AGMO: variants seen among roughly 807,000 people sequenced by gnomAD.
AGMO encodes glyceryl-ether monooxygenase.
AGMO carries 75 observed loss-of-function variants against 60.2 expected under a neutral mutation model. The observed-to-expected ratio is 1.25, with a 90% CI of 1.03 to 1.51. The LOEUF (loss-of-function observed/expected upper bound fraction) is 1.51. Ranked by LOEUF, AGMO falls within the 40% of genes most tolerant of loss-of-function variation. The pLI, the probability that AGMO is intolerant of heterozygous loss-of-function variation, is 0.00. For missense variants in AGMO, 763 were observed against 525.5 expected (o/e 1.45, Z -4.42); for synonymous variants, 261 against 177.1 (o/e 1.47, Z -3.76).
chr7:15,465,317 C>A (rs1046030509), intron 3 of AGMO, among the ~76,000 whole-genome samples: 1 of 150,738 alleles, frequency 6.6e-6, no homozygotes, highest in African/African-American at 2.4e-5. Context: ...AGAAGTCTTC[C>A]GAAATTAGAG....
At chr7:15,288,001 T>A (rs1784148415) in intron 12 of AGMO, among the ~76,000 whole-genome samples, 1 of 152,090 alleles carries the variant, frequency 6.6e-6, no homozygotes. Context: ...AAAATGATAA[T>A]GATTTTGAAA....
At position 15,337,043 on chromosome 7, in the gene AGMO, T is replaced by C. The variant is rs542667086; in HGVS notation, c.1263+28471A>G. 2.6e-5 allele frequency among the ~76,000 whole-genome samples: 4 copies of C among 152,334 alleles called. No individual in the cohort carries two copies. In the East Asian group the frequency reaches 7.7e-4, roughly 29 times the overall value. On this transcript the variant is annotated intron_variant, in intron 12 of 12. Transcript: ENST00000342526. Reference sequence around the variant, plus strand: ...CTGTGTATATCACAATATCATCATATGCCATCAAATTTTCTTGAAAGGAAA... The same window carrying C: ...CTGTGTATATCACAATATCATCATACGCCATCAAATTTTCTTGAAAGGAAA...
At chr7:15,243,690 G>C (rs956074443) in intron 12 of AGMO, among the ~76,000 whole-genome samples, 1 of 152,028 alleles carries the variant, frequency 6.6e-6, no homozygotes, top group Non-Finnish European at 1.5e-5. Context: ...CAAATAAGGA[G>C]ATTTTAGCAG....
At chr7:15,510,476 C>T (rs1783640841) in intron 3 of AGMO, among the ~76,000 whole-genome samples, 1 of 151,694 alleles carries the variant, frequency 6.6e-6, no homozygotes, top group Admixed American at 6.6e-5. Flanking sequence ...CTGCACCTGG[C>T]CCTAAGCATC....
intron 5 of AGMO, among the ~76,000 whole-genome samples, chr7:15,406,832 A>ATATATG (rs1272614999): frequency 2.7e-5 from 3 of 112,984 alleles, no homozygotes; most frequent in Non-Finnish European, 3.7e-5. Context: ...ACGTATACAC[A>ATATATG]TATATGTATA....
chr7:15,206,445 T>A (rs956559546), intron 12 of AGMO, among the ~76,000 whole-genome samples: 2 of 152,136 alleles, frequency 1.3e-5, no homozygotes, highest in Non-Finnish European at 2.9e-5. Context: ...ATTATCTCTT[T>A]GTGCTTATTT....
At chr7:15,317,667 G>T (rs957998054) in intron 12 of AGMO, among the ~76,000 whole-genome samples, 9 of 151,810 alleles carry the variant, frequency 5.9e-5, no homozygotes, top group African/African-American at 2.2e-4. Flanking sequence ...TATCCCAAAG[G>T]ACTTTCATTT....
the AGMO span, among the ~76,000 whole-genome samples, chr7:15,174,299 CTT>C: frequency 1.3e-5 from 2 of 151,976 alleles, no homozygotes; most frequent in Admixed American, 1.3e-4. Flanking sequence ...AAAGTTAACC[CTT>C]TTACCTGAGA....
intron 3 of AGMO, among the ~76,000 whole-genome samples, chr7:15,527,704 G>T (rs1265026485): frequency 6.6e-6 from 1 of 152,160 alleles, no homozygotes; most frequent in African/African-American, 2.4e-5. Context: ...TTAGAAGTTT[G>T]AAAGCTTCAA....
intron 3 of AGMO, among the ~76,000 whole-genome samples, chr7:15,514,951 T>C (rs942878957): frequency 6.6e-6 from 1 of 152,136 alleles, no homozygotes; most frequent in Non-Finnish European, 1.5e-5. Flanking sequence ...CTGTGGGAGA[T>C]GGGAGGCAGT....
chr7:15,482,943 T>C (rs1782799267), intron 3 of AGMO, among the ~76,000 whole-genome samples: 1 of 152,212 alleles, frequency 6.6e-6, no homozygotes. Context: ...TTCATGATTT[T>C]TTAAAATTAA....
At chr7:15,351,282 A>C (rs1366549732) in intron 12 of AGMO, among the ~76,000 whole-genome samples, 1 of 152,162 alleles carries the variant, frequency 6.6e-6, no homozygotes, top group Admixed American at 6.5e-5. Flanking sequence ...AGCAAAAACA[A>C]AATCTCCCCG....
chr7:15,282,455 C>T (rs1783994814), intron 12 of AGMO, among the ~76,000 whole-genome samples: 1 of 151,966 alleles, frequency 6.6e-6, no homozygotes, highest in African/African-American at 2.4e-5. Context: ...TGACAACAGA[C>T]TAGACCAAGT....
intron 10 of AGMO, among the ~76,000 whole-genome samples, chr7:15,372,566 C>T (rs1331304336): frequency 1.3e-5 from 2 of 152,186 alleles, no homozygotes; most frequent in South Asian, 4.1e-4. Context: ...AACAAAATCC[C>T]TGCCCTTGAA....
At chr7:15,226,655 TGAA>T (rs898383263) in intron 12 of AGMO, among the ~76,000 whole-genome samples, 24 of 152,068 alleles carry the variant, frequency 1.6e-4, no homozygotes, top group Non-Finnish European at 3.2e-4. Flanking sequence ...TTATTAACCC[TGAA>T]GAAAACAGTC....
intron 2 of AGMO, among the ~76,000 whole-genome samples, chr7:15,554,757 A>G (rs577778483): frequency 2.4e-4 from 36 of 152,240 alleles, no homozygotes; most frequent in African/African-American, 7.0e-4. Flanking sequence ...TAAGATTGAA[A>G]AATAATCAAT....
chr7:15,185,556 C>T, the AGMO span, among the ~76,000 whole-genome samples: 151 of 152,220 alleles, frequency 9.9e-4, 1 homozygote, highest in East Asian at 0.021. Context: ...TGAAAAACTA[C>T]GGGGCTTCTG....
rs564440063 is a variant in AGMO, at chr7:15,339,025, G to A, written c.1263+26489C>T. Reference sequence around the variant, plus strand: ...TTTGTGTCTAAAGATCTTGGGTATTGGAATCAGCATCTTATAATTTCTCCA... The same window carrying A: ...TTTGTGTCTAAAGATCTTGGGTATTAGAATCAGCATCTTATAATTTCTCCA... On this transcript the variant is annotated intron_variant, in intron 12 of 12. Coordinates refer to ENST00000342526, the MANE Select transcript of AGMO (RefSeq NM_001004320.2). 2.6e-5 allele frequency among the ~76,000 whole-genome samples: 4 copies of A among 152,286 alleles called. No individual in the cohort carries two copies. In the East Asian group the frequency reaches 7.7e-4, roughly 29 times the overall value.
At position 15,476,796 on chromosome 7, in the gene AGMO, G is replaced by A. The variant is rs1263973828; in HGVS notation, c.410-45688C>T. Among the ~76,000 whole-genome samples, 4 of 152,088 alleles carry A rather than the reference G, an allele frequency of 2.6e-5. No homozygotes were observed. In the East Asian group the frequency reaches 7.7e-4, roughly 29 times the overall value. On this transcript the variant is annotated intron_variant, in intron 3 of 12. Coordinates refer to ENST00000342526, the MANE Select transcript of AGMO (RefSeq NM_001004320.2). ...ACAAAATAGCTGAAGGTTTGTATCA[G>A]TTGAAGGACTTTGCCTGTCACAGAA...
Sources: allele counts gnomAD v4.1 joint callset (sites outside exome capture counted in the v4.1 genomes callset), GRCh38; gene constraint gnomAD v4.1.1; transcripts MANE v1.5; gene names NCBI Gene and HGNC (gene_info 2026-07-23, HGNC 2026-07-21).